FAM228B: variants seen among roughly 807,000 people sequenced by gnomAD.
FAM228B encodes the protein family with sequence similarity 228 member B.
A neutral mutation model predicts 42.6 loss-of-function variants in FAM228B; 38 were observed. The observed-to-expected ratio is 0.89, with a 90% CI of 0.69 to 1.17. The LOEUF (loss-of-function observed/expected upper bound fraction) is 1.17, where lower values mean the gene tolerates loss of function less well. FAM228B is among the 50% of genes most tolerant of loss of function. FAM228B has a pLI of 0.00. For missense variants in FAM228B, 344 were observed against 367.3 expected (o/e 0.94, Z 0.52); for synonymous variants, 109 against 122.3 (o/e 0.89, Z 0.72).
intron 3 of FAM228B, among the ~76,000 whole-genome samples, chr2:24,108,726 C>A (rs1665740474): frequency 6.6e-6 from 1 of 151,736 alleles, no homozygotes; most frequent in African/African-American, 2.4e-5. Flanking sequence ...ACGGTGAAAC[C>A]CTGTCTCTAC....
rs539123617 is a variant in FAM228B at position 24,079,046 on chromosome 2, G to A, written c.-289-1830G>A. The A allele has an allele frequency of 1.3e-4, 22 of 169,498 alleles. No individual in the cohort carries two copies. The South Asian group carries it at 2.6e-3, about 20-fold the overall frequency. 10.5% of individuals were successfully genotyped at this position (169,498 alleles called of 1,614,324 possible). A position where few individuals can be genotyped will look rare whatever the true frequency, so the allele number is the denominator to read the frequency against. On this transcript the variant is annotated intron_variant, in intron 1 of 10. Transcript: ENST00000613899. ...ACTACAAGCAAGTGCCACTGTGCCCGGCATGGAACCTATAATCTGTTGAAG... is the reference window on the plus strand; with the variant it reads ...ACTACAAGCAAGTGCCACTGTGCCCAGCATGGAACCTATAATCTGTTGAAG...
Position 24,080,604 on chromosome 2 carries a change from T to A in FAM228B, c.-289-272T>A, listed in dbSNP as rs1573717756. On this transcript the variant is annotated intron_variant, in intron 1 of 10. Transcript: ENST00000613899. The surrounding 1 kb of genome is among the most constrained non-coding windows in gnomAD (Gnocchi z 4.7). ...TGGTCTAAAGTGTGGATGAATCTTATCTCTTGCAAGAATGCACATGGAAAC... is the reference window on the plus strand; with the variant it reads ...TGGTCTAAAGTGTGGATGAATCTTAACTCTTGCAAGAATGCACATGGAAAC... 5 of 609,548 alleles carry A rather than the reference T, an allele frequency of 8.2e-6. No individual in the cohort carries two copies. In the East Asian group the frequency reaches 1.1e-4, roughly 14 times the overall value. The allele number at this position is 609,548 out of a possible 1,614,324, so 37.8% of individuals were successfully genotyped here. A position where few individuals can be genotyped will look rare whatever the true frequency, so the allele number is the denominator to read the frequency against.
chr2:24,138,823 G>A (rs777571426), intron 4 of FAM228B, among the ~76,000 whole-genome samples: 4 of 151,504 alleles, frequency 2.6e-5, no homozygotes, highest in Non-Finnish European at 5.9e-5. Flanking sequence ...GTGGGTGCCT[G>A]TAATCCCAGC....
chr2:24,114,512 T>A (rs1665855110), intron 3 of FAM228B, among the ~76,000 whole-genome samples: 1 of 152,148 alleles, frequency 6.6e-6, no homozygotes, highest in African/African-American at 2.4e-5. Flanking sequence ...TAGAACCCTG[T>A]AGAGGGATCT....
chr2:24,149,026 G>T (rs1179469179), intron 7 of FAM228B, among the ~76,000 whole-genome samples: 1 of 152,202 alleles, frequency 6.6e-6, no homozygotes, highest in Non-Finnish European at 1.5e-5. Context: ...ATAACCTCCA[G>T]TTCCATCCAT....
At chr2:24,139,803 T>A (rs566183372) in intron 5 of FAM228B, among the ~76,000 whole-genome samples, 18 of 152,348 alleles carry the variant, frequency 1.2e-4, no homozygotes, top group South Asian at 4.1e-4. Context: ...ATTAATTCAT[T>A]ATGTTAACTC....
At chr2:24,096,067 CAG>C (rs918359556) in intron 3 of FAM228B, 3 of 152,222 alleles carry the variant, frequency 2.0e-5, no homozygotes, top group African/African-American at 7.2e-5. Flanking sequence ...AACTGAAAAA[CAG>C]AAAGGAATAG....
Position 24,115,725 on chromosome 2 carries a change from G to C in FAM228B, c.-120-19394G>C, listed in dbSNP as rs1165956066. The C allele has an allele frequency of 2.6e-6, 3 of 1,165,602 alleles. No homozygotes were observed. The African/African-American group carries it at 4.6e-5, about 18-fold the overall frequency. 72.2% of individuals were successfully genotyped at this position (1,165,602 alleles called of 1,614,324 possible). A position where few individuals can be genotyped will look rare whatever the true frequency, so the allele number is the denominator to read the frequency against. ...TTGCCAGGTGACTGCCATGTGCTAG[G>C]CACTGTGCTAGGTACTGGAGAAACA... is the stretch of plus-strand genomic sequence containing the variant. On this transcript the variant is annotated intron_variant, in intron 3 of 10. Coordinates refer to the FAM228B transcript ENST00000613899.
intron 3 of FAM228B, among the ~76,000 whole-genome samples, chr2:24,102,522 G>A (rs1665627155): frequency 6.6e-6 from 1 of 152,206 alleles, no homozygotes; most frequent in African/African-American, 2.4e-5. Flanking sequence ...CGGATCAGCT[G>A]AGGTCAGGAA....
At chr2:24,121,253 G>A, upstream of FAM228B, 1 of 1,614,160 alleles carries the variant, frequency 6.2e-7, no homozygotes, top group Non-Finnish European at 8.5e-7. Flanking sequence ...CTTGCAAAGG[G>A]TTCTTGGCAA....
chr2:24,083,229 G>T, intron 2 of FAM228B: 4 of 1,469,616 alleles, frequency 2.7e-6, no homozygotes, highest in Non-Finnish European at 3.6e-6. Context: ...CCCCTTCCAA[G>T]ATCCCCTCTT....
chr2:24,133,686 C>T (rs1379882708), intron 2 of FAM228B, among the ~76,000 whole-genome samples: 1 of 152,120 alleles, frequency 6.6e-6, no homozygotes, highest in Non-Finnish European at 1.5e-5. Context: ...ATAATTTTGT[C>T]ACTAATATCA....
intron 3 of FAM228B, among the ~76,000 whole-genome samples, chr2:24,100,165 C>A (rs958396954): frequency 6.6e-6 from 1 of 152,130 alleles, no homozygotes; most frequent in African/African-American, 2.4e-5. Context: ...CATAAAAACC[C>A]TAGAAGAAAA....
chr2:24,087,281 A>C (rs539138519), intron 2 of FAM228B: 22 of 152,280 alleles, frequency 1.4e-4, no homozygotes, highest in Admixed American at 4.6e-4. Context: ...CGGTCTTGCT[A>C]CGTTGCCCAG....
chr2:24,116,327 C>T (rs1665915774), intron 3 of FAM228B, among the ~76,000 whole-genome samples: 1 of 151,934 alleles, frequency 6.6e-6, no homozygotes, highest in Admixed American at 6.6e-5. Context: ...AATTCTGTCT[C>T]CAAAACAAAA....
At chr2:24,099,072 A>C (rs967081114) in intron 3 of FAM228B, among the ~76,000 whole-genome samples, 1 of 152,222 alleles carries the variant, frequency 6.6e-6, no homozygotes, top group Non-Finnish European at 1.5e-5. Context: ...GCCTTCAACA[A>C]AATTCAACAG....
chr2:24,117,014 ATTT>A (rs58867611), intron 3 of FAM228B, among the ~76,000 whole-genome samples: 14,765 of 131,426 alleles, frequency 0.11, 510 homozygotes, highest in South Asian at 0.17. Context: ...ACAATCCTGC[ATTT>A]TTTTTTTTTT....
At chr2:24,164,130 A>G in intron 8 of FAM228B, 68 bp from the exon 9 acceptor site, 1 of 1,357,168 alleles carries the variant, frequency 7.4e-7, no homozygotes, top group Non-Finnish European at 9.8e-7. Flanking sequence ...AATTTAAATA[A>G]AAATATTAAG....
At chr2:24,124,273 CAG>C (rs1351427748) in intron 1 of FAM228B, 55 bp from the exon 2 acceptor site, 15 of 885,892 alleles carry the variant, frequency 1.7e-5, no homozygotes, top group Non-Finnish European at 2.4e-5. Flanking sequence ...TGGTATTAAA[CAG>C]AAGAGAAAAT....
Sources: allele counts gnomAD v4.1 joint callset (sites outside exome capture counted in the v4.1 genomes callset), GRCh38; gene constraint gnomAD v4.1.1; non-coding constraint Gnocchi (gnomAD v3.1); transcripts MANE v1.5; gene names NCBI Gene and HGNC (gene_info 2026-07-23, HGNC 2026-07-21).